GRIP2: variants seen among roughly 807,000 people sequenced by gnomAD.
GRIP2 encodes glutamate receptor interacting protein 2.
A neutral mutation model predicts 108.3 loss-of-function variants in GRIP2; 58 were observed. The observed-to-expected ratio is 0.54, with a 90% CI of 0.43 to 0.67. The LOEUF is 0.67. GRIP2 is among the 30% of genes least tolerant of loss of function. The probability of loss-of-function intolerance (pLI) is 0.00; values close to 1 mark genes in which losing one functional copy is unlikely to be tolerated. For missense variants in GRIP2, 1,278 were observed against 1,430.6 expected (o/e 0.89, Z 1.72); for synonymous variants, 586 against 598.2 (o/e 0.98, Z 0.30).
At chr3:14,557,173 G>A (rs17039777), upstream of GRIP2, among the ~76,000 whole-genome samples, 5,307 of 152,264 alleles carry the variant, frequency 0.035, 303 homozygotes, top group African/African-American at 0.12. Context: ...GAATCCTTTG[G>A]CCTAGCATTC....
At chr3:14,553,096 ATT>A (rs1477279786) in intron 1 of GRIP2, among the ~76,000 whole-genome samples, 1 of 131,338 alleles carries the variant, frequency 7.6e-6, no homozygotes, top group Non-Finnish European at 1.6e-5. Flanking sequence ...GCCTCCAGGC[ATT>A]TTCTTTCCTT....
At chr3:14,568,923 A>G in the GRIP2 span, among the ~76,000 whole-genome samples, 1 of 152,184 alleles carries the variant, frequency 6.6e-6, no homozygotes, top group African/African-American at 2.4e-5. Context: ...CCTCCAGAGC[A>G]TCACTTACCC....
At chr3:14,513,571 A>T in intron 13 of GRIP2, 94 bp downstream of exon 13, 1 of 1,431,304 alleles carries the variant, frequency 7.0e-7, no homozygotes, top group East Asian at 2.5e-5. Flanking sequence ...ACAGAGGGGG[A>T]TGGGGTGGAG....
chr3:14,588,602 G>A, the GRIP2 span, among the ~76,000 whole-genome samples: 3 of 152,124 alleles, frequency 2.0e-5, no homozygotes, highest in African/African-American at 7.2e-5. Context: ...GACTCCCGCC[G>A]GCCCAGAGCC....
intron 1 of GRIP2, among the ~76,000 whole-genome samples, chr3:14,538,332 G>C (rs11719525): frequency 0.074 from 11,293 of 152,240 alleles, 465 homozygotes; most frequent in Middle Eastern, 0.12. Context: ...TGTGATACAA[G>C]TTGGACCAAT....
Position 14,512,038 on chromosome 3 carries a change from C to T in GRIP2, c.1721-559G>A, listed in dbSNP as rs763096973. Among the ~76,000 whole-genome samples the T allele has an allele frequency of 4.6e-5, 7 of 152,132 alleles. No individual in the cohort carries two copies. Among genetic ancestry groups the T allele is most frequent in the Non-Finnish European group, 5.9e-5 (4 of 68,026 alleles). Reference sequence around the variant, plus strand: ...CTGAGAAACGGGCTTGTGTCGAGGGCGGTAAATGTTCAGTCAGGTGGTCGG... The same window carrying T: ...CTGAGAAACGGGCTTGTGTCGAGGGTGGTAAATGTTCAGTCAGGTGGTCGG... On this transcript the variant is annotated intron_variant, in intron 14 of 23. Coordinates refer to ENST00000621039, the MANE Select transcript of GRIP2 (RefSeq NM_001080423.4). The surrounding 1 kb of genome is among the most constrained non-coding windows in gnomAD (Gnocchi z 5.1).
chr3:14,591,743 A>G, the GRIP2 span, among the ~76,000 whole-genome samples: 21 of 152,164 alleles, frequency 1.4e-4, no homozygotes, highest in African/African-American at 4.8e-4. Flanking sequence ...TGGGCCCTCT[A>G]TCTCCCAGTG....
At chr3:14,523,834 C>T (rs1186129157) in intron 4 of GRIP2, 136 bp from the exon 5 acceptor site, 3 of 661,914 alleles carry the variant, frequency 4.5e-6, no homozygotes, top group Non-Finnish European at 8.1e-6. Context: ...GCCCATTTTA[C>T]AGGTCGAACA....
intron 1 of GRIP2, among the ~76,000 whole-genome samples, chr3:14,553,769 C>T (rs1173115397): frequency 2.6e-5 from 4 of 152,158 alleles, no homozygotes; most frequent in African/African-American, 9.7e-5. Flanking sequence ...AGAAGAAACA[C>T]CTTGCCTTCT....
At chr3:14,580,961 C>T in the GRIP2 span, among the ~76,000 whole-genome samples, 1 of 152,094 alleles carries the variant, frequency 6.6e-6, no homozygotes, top group Non-Finnish European at 1.5e-5. Flanking sequence ...AACATAGAGA[C>T]CCTGCTTGAG....
intron 7 of GRIP2, 90 bp from the exon 8 acceptor site, chr3:14,520,627 G>C (rs1363340896): frequency 2.2e-6 from 3 of 1,383,224 alleles, no homozygotes; most frequent in African/African-American, 1.4e-5. Flanking sequence ...AATCCTTGCT[G>C]CCTGGAAGAA....
chr3:14,593,619 C>T, the GRIP2 span, among the ~76,000 whole-genome samples: 1 of 152,208 alleles, frequency 6.6e-6, no homozygotes, highest in Admixed American at 6.5e-5. Context: ...TCACGAGGCG[C>T]AGGCCATCCT....
the GRIP2 span, among the ~76,000 whole-genome samples, chr3:14,585,566 G>C: frequency 6.6e-6 from 1 of 152,172 alleles, no homozygotes; most frequent in African/African-American, 2.4e-5. Context: ...CCTTGTCCTA[G>C]GGTGACTGTC....
chr3:14,521,637 C>T lies in GRIP2; in HGVS notation c.712+5G>A, dbSNP rs1297350640. 6.2e-7 allele frequency: 1 copy of T among 1,601,760 alleles called. No homozygotes were observed. The highest frequency in any genetic ancestry group is 8.5e-7 in the Non-Finnish European group (1 of 1,172,926). ...CCAACCCACACACTCAGGCCCCCAA[C>T]TCACCAGGGGTGGCCACATCATACT... On this transcript the variant is annotated splice_donor_5th_base_variant and intron_variant, in intron 7 of 23. Transcript: ENST00000621039. This position sits in a 1 kb window ranked among gnomAD's most constrained non-coding sequence, Gnocchi z 5.1.
chr3:14,594,857 A>C, the GRIP2 span, among the ~76,000 whole-genome samples: 1 of 152,298 alleles, frequency 6.6e-6, no homozygotes, highest in South Asian at 2.1e-4. Context: ...TTAACATATA[A>C]AGCGCTTAGC....
At chr3:14,540,779 TTGAC>T (rs1026547535), upstream of GRIP2, among the ~76,000 whole-genome samples, 2 of 152,164 alleles carry the variant, frequency 1.3e-5, no homozygotes, top group African/African-American at 4.8e-5. The surrounding 1 kb of genome is among the most constrained non-coding windows in gnomAD (Gnocchi z 4.1). Context: ...CACAGACTCT[TTGAC>T]TGCATGAACA....
upstream of GRIP2, chr3:14,556,217 T>G: frequency 2.6e-6 from 1 of 382,634 alleles, no homozygotes; most frequent in East Asian, 3.7e-5. Context: ...GCAGCAAACC[T>G]CCAGCGGGCC....
At chr3:14,575,506 T>C in the GRIP2 span, among the ~76,000 whole-genome samples, 1 of 152,222 alleles carries the variant, frequency 6.6e-6, no homozygotes, top group East Asian at 1.9e-4. Flanking sequence ...GCCCCCAGCA[T>C]AGCAGCCGGT....
rs1304360205 is a variant in GRIP2 at position 14,505,989 on chromosome 3, T to C, written c.2399-200A>G. Among the ~76,000 whole-genome samples the C allele has an allele frequency of 6.6e-6, 1 of 152,158 alleles. No homozygotes were observed. Among genetic ancestry groups the C allele is most frequent in the African/African-American group, 2.4e-5 (1 of 41,424 alleles). ...ATCCAGAAGTTAATGCCTGGGGCTC[T>C]GCGACTCTGTCTCAACTCCATCGGC... On this transcript the variant is annotated intron_variant, in intron 19 of 23. Coordinates refer to ENST00000621039, the MANE Select transcript of GRIP2 (RefSeq NM_001080423.4). The surrounding 1 kb of genome is among the most constrained non-coding windows in gnomAD (Gnocchi z 4.2).
Sources: gnomAD v4.1 joint callset for allele counts (sites outside exome capture counted in the v4.1 genomes callset) on GRCh38, gnomAD v4.1.1 for gene constraint, Gnocchi (gnomAD v3.1) non-coding constraint, MANE v1.5 for transcripts, NCBI Gene and HGNC (gene_info 2026-07-23, HGNC 2026-07-21) for gene names.